Variants in TRHDE observed in about 807,000 individuals in gnomAD.
The protein encoded by TRHDE is thyrotropin releasing hormone degrading enzyme, also known as thyrotropin-releasing hormone-degrading ectoenzyme.
In TRHDE, 72 loss-of-function variants were observed where a neutral mutation model predicts 125.7. The observed-to-expected ratio is 0.57, with a 90% confidence interval of 0.47 to 0.70. TRHDE has a LOEUF of 0.70. TRHDE is among the 30% of genes least tolerant of loss of function. The pLI is 0.00. For missense variants in TRHDE, 1,110 were observed against 1,327.1 expected, an observed-to-expected ratio of 0.84 and a Z score of 2.54; for synonymous variants, 509 against 509.1, an observed-to-expected ratio of 1.00 and a Z score of 0.00.
chr12:72,626,894 T>C (rs937336452), intron 15 of TRHDE, among the ~76,000 whole-genome samples: 1 of 151,962 alleles, frequency 6.6e-6, no homozygotes. Context: ...ACTGTTTATG[T>C]TTCCAAGTTG....
intron 2 of TRHDE, among the ~76,000 whole-genome samples, chr12:72,250,837 G>GATATATATATATATATAGATAT (rs1878666349): frequency 8.5e-6 from 1 of 117,932 alleles, no homozygotes; most frequent in Non-Finnish European, 1.8e-5. Context: ...ATGACTTACA[G>GATATATATATATATATAGATAT]ATATATATAT....
intron 2 of TRHDE, among the ~76,000 whole-genome samples, chr12:72,170,242 G>A (rs545663044): frequency 6.6e-6 from 1 of 152,180 alleles, no homozygotes; most frequent in African/African-American, 2.4e-5. Context: ...GAATATGAGA[G>A]CCAGGGTCCA....
At chr12:72,407,859 C>T (rs1179112861) in intron 3 of TRHDE, among the ~76,000 whole-genome samples, 1 of 152,238 alleles carries the variant, frequency 6.6e-6, no homozygotes, top group East Asian at 1.9e-4. Context: ...TAGCCTCCTT[C>T]TCCCAGTATC....
intron 15 of TRHDE, among the ~76,000 whole-genome samples, chr12:72,633,215 T>C (rs979937850): frequency 6.6e-6 from 1 of 152,026 alleles, no homozygotes; most frequent in Non-Finnish European, 1.5e-5. Flanking sequence ...AATCTTTTGA[T>C]AGATTTAGGC....
At chr12:72,594,370 C>T (rs1349938699) in intron 12 of TRHDE, among the ~76,000 whole-genome samples, 1 of 151,774 alleles carries the variant, frequency 6.6e-6, no homozygotes, top group East Asian at 2.0e-4. Flanking sequence ...ACCCCGTCTC[C>T]ACCATGCCCG....
intron 2 of TRHDE, among the ~76,000 whole-genome samples, chr12:72,359,956 A>G (rs1417617767): frequency 2.0e-5 from 3 of 151,712 alleles, no homozygotes; most frequent in African/African-American, 7.3e-5. Flanking sequence ...GCCAGTATAG[A>G]TGAGAACTTG....
At chr12:72,655,334 A>G (rs913077086) in intron 17 of TRHDE, among the ~76,000 whole-genome samples, 2 of 152,170 alleles carry the variant, frequency 1.3e-5, no homozygotes, top group Non-Finnish European at 2.9e-5. Context: ...TAGCTTCCCA[A>G]AAGTGCTGGG....
At chr12:72,653,627 A>G (rs1368519) in intron 17 of TRHDE, among the ~76,000 whole-genome samples, 12,689 of 152,146 alleles carry the variant, frequency 0.083, 737 homozygotes, top group Non-Finnish European at 0.12. Context: ...AATCATTTGA[A>G]TCATTGTATA....
intron 2 of TRHDE, among the ~76,000 whole-genome samples, chr12:72,158,442 G>A (rs141774269): frequency 2.0e-5 from 3 of 151,548 alleles, no homozygotes; most frequent in African/African-American, 7.2e-5. Context: ...GTTATGATGT[G>A]TGTGTAATTG....
chr12:72,354,080 T>C (rs974511541), intron 2 of TRHDE, among the ~76,000 whole-genome samples: 1 of 151,640 alleles, frequency 6.6e-6, no homozygotes, highest in Non-Finnish European at 1.5e-5. Context: ...TAGGATGGTA[T>C]ACTATGGAAT....
At chr12:72,135,092 C>T (rs1174236886) in intron 2 of TRHDE, among the ~76,000 whole-genome samples, 1 of 151,990 alleles carries the variant, frequency 6.6e-6, no homozygotes, top group Admixed American at 6.6e-5. Context: ...ATGCATCAGG[C>T]TCCAACAGAA....
At chr12:72,203,630 A>C (rs1019596439) in intron 2 of TRHDE, among the ~76,000 whole-genome samples, 7 of 152,170 alleles carry the variant, frequency 4.6e-5, no homozygotes, top group Non-Finnish European at 8.8e-5. Context: ...TGAACACCAC[A>C]CACCAGCACA....
intron 18 of TRHDE, among the ~76,000 whole-genome samples, 182 bp from the exon 19 acceptor site, chr12:72,662,870 T>TATGGTGGGCGTCTGTAGTCCCAG (rs1565827281): frequency 6.7e-6 from 1 of 150,272 alleles, no homozygotes; most frequent in African/African-American, 2.5e-5. Context: ...ACATAATCTG[T>TATGGTGGGCGTCTGTAGTCCCAG]CATATTTCAT....
At chr12:72,557,664 A>G (rs1217522026) in intron 7 of TRHDE, among the ~76,000 whole-genome samples, 1 of 152,114 alleles carries the variant, frequency 6.6e-6, no homozygotes, top group East Asian at 1.9e-4. Context: ...CCTTGTCTTT[A>G]TTAGTCCTGT....
intron 2 of TRHDE, among the ~76,000 whole-genome samples, chr12:72,331,885 C>A (rs1276341852): frequency 1.3e-5 from 2 of 152,196 alleles, no homozygotes; most frequent in African/African-American, 4.8e-5. Context: ...GAGTGCACTC[C>A]TTGTCTATAT....
intron 12 of TRHDE, among the ~76,000 whole-genome samples, chr12:72,597,707 GTGTATGTATATATATATA>G (rs1372638639): frequency 4.2e-5 from 2 of 47,638 alleles, no homozygotes; most frequent in African/African-American, 3.4e-4. Context: ...ATATGTGTGT[GTGTATGTATATATATATA>G]TATATATATA....
intron 3 of TRHDE, among the ~76,000 whole-genome samples, chr12:72,421,598 C>G (rs754661534): frequency 6.6e-6 from 1 of 152,126 alleles, no homozygotes; most frequent in Non-Finnish European, 1.5e-5. Flanking sequence ...GTCTGTAAAA[C>G]AAGCCACATT....
intron 2 of TRHDE, among the ~76,000 whole-genome samples, chr12:72,115,416 T>TA (rs1207761465): frequency 1.3e-5 from 2 of 152,110 alleles, no homozygotes; most frequent in Non-Finnish European, 2.9e-5. Flanking sequence ...CCATTGCATA[T>TA]AAGTACCACA....
chr12:72,507,363 A>G (rs1878397825), intron 6 of TRHDE, among the ~76,000 whole-genome samples: 1 of 152,208 alleles, frequency 6.6e-6, no homozygotes, highest in Admixed American at 6.5e-5. Flanking sequence ...TTTGGAACTC[A>G]CTAGAGACTT....
Sources: gnomAD v4.1 joint callset for allele counts (sites outside exome capture counted in the v4.1 genomes callset) on GRCh38, gnomAD v4.1.1 for gene constraint, MANE v1.5 for transcripts, NCBI Gene and HGNC (gene_info 2026-07-23, HGNC 2026-07-21) for gene names.